Variants in EPB41L5 observed in about 807,000 individuals in gnomAD.
The protein encoded by EPB41L5 is erythrocyte membrane protein band 4.1 like 5, also known as band 4.1-like protein 5.
EPB41L5 carries 55 observed loss-of-function variants against 106.6 expected under a neutral mutation model. That is an observed-to-expected ratio of 0.52 (90% CI 0.42 to 0.65). The LOEUF is 0.65. Among genes scored for constraint, EPB41L5 ranks in the 30% least tolerant of loss-of-function variants. The probability of loss-of-function intolerance (pLI) is 0.00; values close to 1 mark genes in which losing one functional copy is unlikely to be tolerated. For missense variants in EPB41L5, 871 were observed against 882.1 expected, an observed-to-expected ratio of 0.99 and a Z score of 0.16; for synonymous variants, 297 against 306.7, an observed-to-expected ratio of 0.97 and a Z score of 0.33.
chr2:120,118,822 A>G (rs909498403), intron 16 of EPB41L5, among the ~76,000 whole-genome samples: 1 of 152,154 alleles, frequency 6.6e-6, no homozygotes, highest in Admixed American at 6.6e-5. Flanking sequence ...TATTTCTACA[A>G]TGGAAAGATA....
At chr2:120,157,135 C>G (rs1489529204) in intron 20 of EPB41L5, among the ~76,000 whole-genome samples, 1 of 152,118 alleles carries the variant, frequency 6.6e-6, no homozygotes, top group Admixed American at 6.6e-5. Context: ...CTAAGAAATT[C>G]TCTCAAAACC....
chr2:120,074,084 T>G lies in EPB41L5; in HGVS notation c.329-16T>G. Reference sequence around the variant, plus strand: ...TAGTTTATTTTATTAAAACCTTTTTTTTTTTTAAATGACAGTTGGTTCACC... The same window carrying G: ...TAGTTTATTTTATTAAAACCTTTTTGTTTTTTAAATGACAGTTGGTTCACC... On this transcript the variant is annotated splice_polypyrimidine_tract_variant and intron_variant, in intron 4 of 24. Coordinates refer to ENST00000263713, the MANE Select transcript of EPB41L5 (RefSeq NM_020909.4). The G allele has an allele frequency of 6.3e-7, 1 of 1,579,784 alleles. No individual in the cohort carries two copies. The highest frequency in any genetic ancestry group is 8.6e-7 in the Non-Finnish European group (1 of 1,162,898).
chr2:120,074,079 T>A (rs1384710131), intron 4 of EPB41L5, 21 bp from the exon 5 acceptor site: 1 of 368,542 alleles, frequency 2.7e-6, no homozygotes, highest in Non-Finnish European at 4.0e-6. Flanking sequence ...TATTAAAACC[T>A]TTTTTTTTTT....
intron 20 of EPB41L5, 156 bp from the exon 21 acceptor site, chr2:120,160,725 A>G: frequency 1.7e-6 from 1 of 597,206 alleles, no homozygotes; most frequent in South Asian, 2.2e-5. Context: ...GTCTCATCAT[A>G]GTTTGGATTT....
At chr2:120,046,906 AT>A (rs1679818769) in intron 3 of EPB41L5, among the ~76,000 whole-genome samples, 1 of 152,160 alleles carries the variant, frequency 6.6e-6, no homozygotes, top group Non-Finnish European at 1.5e-5. Flanking sequence ...AGCACCATTT[AT>A]TAAATAGGGA....
rs185619313 is a variant in EPB41L5, at chr2:120,090,433, T to C, written c.960T>C (p.His320=). 3 of 1,613,898 alleles carry C rather than the reference T, an allele frequency of 1.9e-6. No homozygotes were observed. The highest frequency in any genetic ancestry group is 1.3e-5 in the African/African-American group (1 of 75,050). Residue 320 remains histidine (H), a synonymous_variant, in exon 12 of 25, where the codon CAT becomes CAC. Coordinates refer to ENST00000263713, the MANE Select transcript of EPB41L5 (RefSeq NM_020909.4). The stretch of plus-strand genomic sequence containing the variant: ...TATGGAAATGTGCTGTGGAGCATCA[T>C]GCTTTCTTCCGCCTTCGAGGCCCCG... The part of the protein sequence containing the change: ...KHLWKCAVEH[H]AFFRLRGPVQ...
At chr2:120,129,461 T>C (rs1685604708) in intron 17 of EPB41L5, among the ~76,000 whole-genome samples, 1 of 152,216 alleles carries the variant, frequency 6.6e-6, no homozygotes, top group African/African-American at 2.4e-5. Flanking sequence ...ACTATCTTAA[T>C]GCAGAGTATT....
At chr2:120,032,624 C>T (rs112000344) in intron 2 of EPB41L5, among the ~76,000 whole-genome samples, 1 of 152,294 alleles carries the variant, frequency 6.6e-6, no homozygotes, top group African/African-American at 2.4e-5. Context: ...CTTTTCTTTC[C>T]TAAACCCTTC....
At position 120,042,049 on chromosome 2, in the gene EPB41L5, AC is replaced by A. The variant is rs1679438976; in HGVS notation, c.226del (p.Leu76TrpfsTer3). On this transcript the variant is annotated frameshift_variant, in exon 3 of 25. Transcript: ENST00000263713. LOFTEE classifies it high-confidence loss of function. ...GAGTTGTTTGATCAGATTATGTACC[AC>A]CTGGACCTGATTGAAAGCGACTATT... Reference protein sequence around the residue: ...GQELFDQIMYHLDLIESDYFG... With the variant: ...GQELFDQIMYXLDLIESDYFG... The A allele has an allele frequency of 6.2e-7, 1 of 1,613,574 alleles. No homozygotes were observed. The highest frequency in any genetic ancestry group is 1.3e-5 in the African/African-American group (1 of 74,918).
chr2:120,070,351 T>G (rs1287954854), intron 3 of EPB41L5, among the ~76,000 whole-genome samples: 1 of 151,884 alleles, frequency 6.6e-6, no homozygotes, highest in African/African-American at 2.4e-5. Flanking sequence ...AGCCTACCAA[T>G]GAAAAAAAGC....
At chr2:120,074,271 AT>A in intron 5 of EPB41L5, 93 bp downstream of exon 5, 1 of 925,182 alleles carries the variant, frequency 1.1e-6, no homozygotes, top group Non-Finnish European at 1.7e-6. Context: ...AGCTAATAAA[AT>A]GGATTCCTGT....
chr2:120,018,259 G>A (rs1677680318), intron 1 of EPB41L5, among the ~76,000 whole-genome samples: 1 of 151,910 alleles, frequency 6.6e-6, no homozygotes, highest in South Asian at 2.1e-4. Context: ...GAGCCACCGC[G>A]CCCGGCCACT....
chr2:120,148,291 C>G (rs1686501958), intron 20 of EPB41L5, among the ~76,000 whole-genome samples: 1 of 152,004 alleles, frequency 6.6e-6, no homozygotes, highest in Non-Finnish European at 1.5e-5. Context: ...CTAGAAACAC[C>G]ATAGGTCTAG....
chr2:120,124,301 A>ATTGGGCTTAAAG (rs1261021715), intron 16 of EPB41L5, among the ~76,000 whole-genome samples: 1 of 152,144 alleles, frequency 6.6e-6, no homozygotes, highest in African/African-American at 2.4e-5. Flanking sequence ...AGTTTCATTG[A>ATTGGGCTTAAAG]TTGGGCTTAA....
At chr2:120,014,838 C>T (rs1677401347) in intron 1 of EPB41L5, among the ~76,000 whole-genome samples, 1 of 151,818 alleles carries the variant, frequency 6.6e-6, no homozygotes, top group East Asian at 1.9e-4. Flanking sequence ...AGGACCAGGG[C>T]CATTAAAGAT....
intron 18 of EPB41L5, among the ~76,000 whole-genome samples, chr2:120,142,420 A>G (rs539396791): frequency 1.1e-3 from 173 of 152,188 alleles, no homozygotes; most frequent in Non-Finnish European, 1.8e-3. Context: ...GATGAGCAGT[A>G]CTTTGTTTTA....
At chr2:120,044,340 G>A (rs962426351) in intron 3 of EPB41L5, among the ~76,000 whole-genome samples, 15 of 152,042 alleles carry the variant, frequency 9.9e-5, no homozygotes, top group African/African-American at 3.4e-4. Flanking sequence ...ACGTACCTCT[G>A]TCCAGCAGGT....
At chr2:120,124,838 T>C (rs915563905) in intron 16 of EPB41L5, among the ~76,000 whole-genome samples, 1 of 152,218 alleles carries the variant, frequency 6.6e-6, no homozygotes, top group African/African-American at 2.4e-5. Flanking sequence ...TTGTAGAATG[T>C]CTCTCAACTT....
intron 3 of EPB41L5, among the ~76,000 whole-genome samples, chr2:120,044,866 C>T (rs2105220442): frequency 6.6e-6 from 1 of 152,204 alleles, no homozygotes; most frequent in East Asian, 1.9e-4. Context: ...TTTATTTTTG[C>T]TTCACTAAAA....
Sources: allele counts gnomAD v4.1 joint callset (sites outside exome capture counted in the v4.1 genomes callset), GRCh38; gene constraint gnomAD v4.1.1; transcripts MANE v1.5; gene names NCBI Gene and HGNC (gene_info 2026-07-23, HGNC 2026-07-21).